Variants in MAML3 observed in about 807,000 individuals in gnomAD.
MAML3 encodes mastermind like transcriptional coactivator 3, also known as mastermind-like protein 3.
MAML3 carries 27 observed loss-of-function variants against 101.9 expected under a neutral mutation model. That is an observed-to-expected ratio of 0.27 (90% CI 0.20 to 0.37). The LOEUF (loss-of-function observed/expected upper bound fraction) is 0.37, where lower values mean the gene tolerates loss of function less well. Among genes scored for constraint, MAML3 ranks in the 10% least tolerant of loss-of-function variants. The pLI is 1.00. For missense variants in MAML3, 1,316 were observed against 1,444.9 expected (o/e 0.91, Z 1.45); for synonymous variants, 501 against 555.9 (o/e 0.90, Z 1.39).
rs185654656 is a variant in MAML3 at position 139,962,697 on chromosome 4, A to G, written c.469-71730T>C. On this transcript the variant is annotated intron_variant, in intron 1 of 4. Coordinates refer to ENST00000509479, the MANE Select transcript of MAML3 (RefSeq NM_018717.5). The stretch of plus-strand genomic sequence containing the variant: ...AATCTAAAACTGTTCTAAAATTAAA[A>G]CTTTAATTTTTAAAAACCAAGAAAA... 8.2e-4 allele frequency among the ~76,000 whole-genome samples: 125 copies of G among 152,326 alleles called. No individual in the cohort carries two copies. In the Middle Eastern group the frequency reaches 0.017, roughly 21 times the overall value.
intron 1 of MAML3, among the ~76,000 whole-genome samples, chr4:139,972,474 C>A (rs923705855): frequency 6.6e-6 from 1 of 152,216 alleles, no homozygotes; most frequent in Non-Finnish European, 1.5e-5. Flanking sequence ...CTCAGAGATG[C>A]ATCACTCCAT....
intron 1 of MAML3, among the ~76,000 whole-genome samples, chr4:140,101,795 T>C (rs1728256226): frequency 6.6e-6 from 1 of 151,892 alleles, no homozygotes; most frequent in South Asian, 2.1e-4. Flanking sequence ...GTTATTCCAC[T>C]ATATAAAATA....
rs912423307 is a variant in MAML3 at position 140,093,884 on chromosome 4, T to C, written c.468+58976A>G. On this transcript the variant is annotated intron_variant, in intron 1 of 4. Transcript: ENST00000509479. Reference sequence around the variant, plus strand: ...TATTACCCTAGCCTGAGATTTCCTTTGGAGTGCATTCGGTCTGGCCGTCAG... The same window carrying C: ...TATTACCCTAGCCTGAGATTTCCTTCGGAGTGCATTCGGTCTGGCCGTCAG... 6.6e-5 allele frequency among the ~76,000 whole-genome samples: 10 copies of C among 152,324 alleles called. No homozygotes were observed. In the East Asian group the frequency reaches 1.9e-3, roughly 29 times the overall value.
intron 1 of MAML3, among the ~76,000 whole-genome samples, chr4:140,094,382 G>A (rs565325940): frequency 3.9e-5 from 6 of 152,282 alleles, no homozygotes; most frequent in South Asian, 2.1e-4. Context: ...GAATCTGTTC[G>A]GTGCATAACA....
rs1473961199 is a variant in MAML3, at chr4:139,720,235, C to G, written c.2505G>C (p.Met835Ile). The change falls in exon 5 of 5, where the codon ATG becomes ATC. Residue 835 changes from methionine to isoleucine, a missense_variant. Coordinates refer to ENST00000509479, the MANE Select transcript of MAML3 (RefSeq NM_018717.5). ...GGTTCTGGGAGGGTCCTATTCCCAT[C>G]ATGCCTGCGTTCTGTGCCATCAGCC... ...TSRLMAQNAG[M>I]MGIGPSQNPG... 3 of 1,610,454 alleles carry G rather than the reference C, an allele frequency of 1.9e-6. No individual in the cohort carries two copies. The highest frequency in any genetic ancestry group is 2.5e-6 in the Non-Finnish European group (3 of 1,177,592).
intron 1 of MAML3, among the ~76,000 whole-genome samples, chr4:140,006,202 C>A (rs887947135): frequency 6.6e-6 from 1 of 151,818 alleles, no homozygotes; most frequent in Non-Finnish European, 1.5e-5. Flanking sequence ...GTTCCTAATT[C>A]GAGGGGGCCA....
chr4:139,758,081 T>C (rs1729688410), intron 2 of MAML3, among the ~76,000 whole-genome samples: 1 of 152,022 alleles, frequency 6.6e-6, no homozygotes, highest in African/African-American at 2.4e-5. Flanking sequence ...TTGCAGTGCC[T>C]ATCATACAGT....
intron 3 of MAML3, 72 bp downstream of exon 3, chr4:139,730,344 C>G (rs1026432480): frequency 2.2e-6 from 3 of 1,383,690 alleles, no homozygotes; most frequent in Non-Finnish European, 3.0e-6. Context: ...GCCACTTCCT[C>G]ACAGGCAGCA....
chr4:139,857,491 T>G (rs149764515), intron 2 of MAML3, among the ~76,000 whole-genome samples: 52 of 152,314 alleles, frequency 3.4e-4, no homozygotes, highest in Admixed American at 1.0e-3. Flanking sequence ...ATTGTTTGGC[T>G]AAAATAGCTC....
rs76733784 is a variant in MAML3 at position 139,888,366 on chromosome 4, G to A, written c.2079+991C>T. On this transcript the variant is annotated intron_variant, in intron 2 of 4. Coordinates refer to ENST00000509479, the MANE Select transcript of MAML3 (RefSeq NM_018717.5). ...TTTCTGCAAATTCTCCAAGTAAAAT[G>A]ACCATGTCTGCATCCTGGAAGAATT... 5.6e-3 allele frequency among the ~76,000 whole-genome samples: 849 copies of A among 152,294 alleles called. 6 individuals are homozygous for A. Among genetic ancestry groups the A allele is most frequent in the African/African-American group, 0.02 (817 of 41,556 alleles).
At chr4:139,962,379 T>C (rs1332488505) in intron 1 of MAML3, among the ~76,000 whole-genome samples, 4 of 152,178 alleles carry the variant, frequency 2.6e-5, no homozygotes, top group Non-Finnish European at 5.9e-5. Flanking sequence ...TCAAACAAAT[T>C]CACCAGATCT....
Position 139,888,682 on chromosome 4 carries a change from A to G in MAML3, c.2079+675T>C, listed in dbSNP as rs552225912. 5.2e-4 allele frequency: 269 copies of G among 518,660 alleles called. 1 individual carries two copies. The highest frequency in any genetic ancestry group is 8.5e-4 in the Non-Finnish European group (221 of 259,690). 32.1% of individuals were successfully genotyped at this position (518,660 alleles called of 1,614,324 possible). ...AAGTAGAGACTTTAATACAGCACTA[A>G]GATATATTCACCATCACATTTTCCT... On this transcript the variant is annotated intron_variant, in intron 2 of 4. Transcript: ENST00000509479.
At chr4:139,905,507 A>AAAAAAAAAAAAAAAAC (rs1732808601) in intron 1 of MAML3, among the ~76,000 whole-genome samples, 3 of 151,138 alleles carry the variant, frequency 2.0e-5, no homozygotes, top group Non-Finnish European at 2.9e-5. Context: ...AAAAAAAAAA[A>AAAAAAAAAAAAAAAAC]ATCAGTTAAA....
rs1729740083 is a variant in MAML3, at chr4:139,760,671, T to C, written c.2080-30004A>G. Among the ~76,000 whole-genome samples, 6 of 152,208 alleles carry C rather than the reference T, an allele frequency of 3.9e-5. 1 individual carries two copies. The South Asian group carries it at 1.2e-3, about 32-fold the overall frequency. ...AAAACACGTGAATTTGAACTTAAGC[T>C]GCAGATTCAGGAAAGAAACTGTACT... On this transcript the variant is annotated intron_variant, in intron 2 of 4. Coordinates refer to ENST00000509479, the MANE Select transcript of MAML3 (RefSeq NM_018717.5).
intron 1 of MAML3, among the ~76,000 whole-genome samples, chr4:140,151,735 C>T (rs1560909952): frequency 6.6e-6 from 1 of 151,950 alleles, no homozygotes; most frequent in Non-Finnish European, 1.5e-5. Flanking sequence ...GGCCTCCCCT[C>T]ACCCAGAAAG....
chr4:140,069,514 GAGGAGA>G (rs376595273), intron 1 of MAML3, among the ~76,000 whole-genome samples: 1,606 of 105,418 alleles, frequency 0.015, 98 homozygotes, highest in African/African-American at 0.059. Flanking sequence ...GGAGGAGAAG[GAGGAGA>G]AGGAGAAGGA....
chr4:139,917,562 T>C (rs1386116423), intron 1 of MAML3, among the ~76,000 whole-genome samples: 2 of 152,186 alleles, frequency 1.3e-5, no homozygotes, highest in Non-Finnish European at 2.9e-5. Flanking sequence ...TGGTTTGCTA[T>C]GTAGGAAGAG....
intron 1 of MAML3, among the ~76,000 whole-genome samples, chr4:139,964,037 G>A (rs1734076764): frequency 2.0e-5 from 3 of 152,208 alleles, no homozygotes; most frequent in Admixed American, 6.5e-5. Context: ...ATGAGCCACC[G>A]CACCCACTGA....
intron 1 of MAML3, among the ~76,000 whole-genome samples, chr4:139,943,623 G>C (rs1453734747): frequency 2.0e-5 from 3 of 152,178 alleles, no homozygotes; most frequent in Non-Finnish European, 4.4e-5. Context: ...AATGCAAATA[G>C]AAAGAACCAG....
Sources: allele counts gnomAD v4.1 joint callset (sites outside exome capture counted in the v4.1 genomes callset), GRCh38; gene constraint gnomAD v4.1.1; transcripts MANE v1.5; gene names NCBI Gene and HGNC (gene_info 2026-07-23, HGNC 2026-07-21).